Variants in CYP2C19 observed in about 807,000 individuals in gnomAD.
CYP2C19 encodes cytochrome P450 2C19.
A neutral mutation model predicts 40.9 loss-of-function variants in CYP2C19; 59 were observed. That is an observed-to-expected ratio of 1.44 (90% CI 1.17 to 1.79). CYP2C19 has a LOEUF of 1.79. CYP2C19 is among the 40% of genes most tolerant of loss of function. The probability of loss-of-function intolerance (pLI) is 0.00; values close to 1 mark genes in which losing one functional copy is unlikely to be tolerated. For synonymous variants in CYP2C19, 253 were observed against 208.7 expected, an observed-to-expected ratio of 1.21 and a Z score of -1.83; for missense variants, 754 against 596.9, an observed-to-expected ratio of 1.26 and a Z score of -2.74.
chr10:94,821,084 G>C (rs1849113776), intron 6 of CYP2C19, among the ~76,000 whole-genome samples: 1 of 150,610 alleles, frequency 6.6e-6, no homozygotes, highest in Non-Finnish European at 1.5e-5. Flanking sequence ...CCCTGTCTCA[G>C]AAAAGAAAAA....
intron 1 of CYP2C19, among the ~76,000 whole-genome samples, chr10:94,770,528 G>T (rs773417909): frequency 6.6e-6 from 1 of 151,984 alleles, no homozygotes; most frequent in Non-Finnish European, 1.5e-5. Context: ...GAACACTGAG[G>T]TTGCCAGTTT....
chr10:94,822,076 A>G (rs902454085), intron 6 of CYP2C19, among the ~76,000 whole-genome samples: 1 of 152,174 alleles, frequency 6.6e-6, no homozygotes, highest in Non-Finnish European at 1.5e-5. Context: ...ATTGCTTAGG[A>G]TAATGGCCTC....
At chr10:94,762,910 T>G (rs372709413) in intron 1 of CYP2C19, 37 bp downstream of exon 1, 2 of 1,566,640 alleles carry the variant, frequency 1.3e-6, no homozygotes, top group Non-Finnish European at 1.8e-6. Context: ...AAAAGGTAAG[T>G]AAATTCACCT....
intron 6 of CYP2C19, among the ~76,000 whole-genome samples, chr10:94,839,396 C>T (rs1402513136): frequency 6.6e-6 from 1 of 152,114 alleles, no homozygotes; most frequent in Non-Finnish European, 1.5e-5. Flanking sequence ...TTTTTCCTGC[C>T]TTTCTTGACC....
chr10:94,791,350 T>C (rs1280523075), intron 5 of CYP2C19, among the ~76,000 whole-genome samples: 1 of 152,140 alleles, frequency 6.6e-6, no homozygotes, highest in African/African-American at 2.4e-5. Flanking sequence ...TGAAGGGTTT[T>C]CTGTGTCTAT....
chr10:94,793,309 TAGCTTGGAGA>T (rs1848629299), intron 5 of CYP2C19, among the ~76,000 whole-genome samples: 1 of 152,156 alleles, frequency 6.6e-6, no homozygotes, highest in South Asian at 2.1e-4. Context: ...CATCTTCCTT[TAGCTTGGAGA>T]AGTTTGTTAT....
At chr10:94,777,378 A>C (rs866333022) in intron 3 of CYP2C19, among the ~76,000 whole-genome samples, 1 of 152,220 alleles carries the variant, frequency 6.6e-6, no homozygotes, top group African/African-American at 2.4e-5. Context: ...AGCTGGAGGC[A>C]TCATGCTACC....
At position 94,838,771 on chromosome 10, in the gene CYP2C19, T is replaced by C. The variant is rs143652970; in HGVS notation, c.962-4066T>C. Reference sequence around the variant, plus strand: ...TACATAATTGCGAGTTGTCTCTTAATGAAAAGAAAGTTGTACATATGGCAC... The same window carrying C: ...TACATAATTGCGAGTTGTCTCTTAACGAAAAGAAAGTTGTACATATGGCAC... On this transcript the variant is annotated intron_variant, in intron 6 of 8. Coordinates refer to ENST00000371321, the MANE Select transcript of CYP2C19 (RefSeq NM_000769.4). 2.5e-4 allele frequency among the ~76,000 whole-genome samples: 38 copies of C among 152,198 alleles called. No homozygotes were observed. The East Asian group carries it at 6.0e-3, about 24-fold the overall frequency.
intron 1 of CYP2C19, among the ~76,000 whole-genome samples, chr10:94,771,047 C>T (rs574336735): frequency 5.9e-5 from 9 of 152,240 alleles, no homozygotes; most frequent in East Asian, 5.8e-4. Flanking sequence ...CAAGTGAGAT[C>T]GAAGGTTTGC....
chr10:94,813,052 C>T (rs998013104), intron 5 of CYP2C19, among the ~76,000 whole-genome samples: 6 of 151,338 alleles, frequency 4.0e-5, no homozygotes, highest in Non-Finnish European at 7.4e-5. Flanking sequence ...GGGTTTTTTG[C>T]GTGGACATCC....
intron 5 of CYP2C19, among the ~76,000 whole-genome samples, chr10:94,788,739 G>A (rs894912875): frequency 3.3e-5 from 5 of 152,074 alleles, no homozygotes; most frequent in Non-Finnish European, 5.9e-5. Context: ...TTCTCTATCT[G>A]TCTATCATTG....
In CYP2C19 at chr10:94,828,284, A is replaced by T. The variant is rs1057465467; in HGVS notation, c.961+7647A>T. Among the ~76,000 whole-genome samples, 29 of 151,470 alleles carry T rather than the reference A, an allele frequency of 1.9e-4. No homozygotes were observed. In the East Asian group the frequency reaches 4.7e-3, roughly 24 times the overall value. ...GGGGTGTTAAAGTCTCCCATTATTA[A>T]TGTGTGGGAGTCTAAGTCTCTTTGT... On this transcript the variant is annotated intron_variant, in intron 6 of 8. Transcript: ENST00000371321.
At chr10:94,773,221 A>C (rs1848360338) in intron 1 of CYP2C19, among the ~76,000 whole-genome samples, 1 of 152,176 alleles carries the variant, frequency 6.6e-6, no homozygotes, top group African/African-American at 2.4e-5. Context: ...ATTGTCACCA[A>C]AATGTGTCCA....
At chr10:94,780,471 T>C in intron 3 of CYP2C19, 28 bp from the exon 4 acceptor site, 2 of 1,611,256 alleles carry the variant, frequency 1.2e-6, no homozygotes, top group Non-Finnish European at 1.7e-6. Flanking sequence ...TGTTTACTCA[T>C]ATTTTAAAAT....
chr10:94,830,711 A>G (rs979361212), intron 6 of CYP2C19, among the ~76,000 whole-genome samples: 1 of 152,118 alleles, frequency 6.6e-6, no homozygotes. Context: ...TATATTACTT[A>G]TATATACTAA....
At chr10:94,820,269 C>T (rs1478266128) in intron 5 of CYP2C19, among the ~76,000 whole-genome samples, 3 of 151,896 alleles carry the variant, frequency 2.0e-5, no homozygotes, top group Admixed American at 2.0e-4. Flanking sequence ...CTATGACAAA[C>T]CCACAGCCAA....
chr10:94,814,576 G>A (rs902833426), intron 5 of CYP2C19, among the ~76,000 whole-genome samples: 9 of 151,702 alleles, frequency 5.9e-5, no homozygotes, highest in Non-Finnish European at 1.2e-4. Context: ...GCCAATATCA[G>A]CAATAATTTT....
chr10:94,804,931 T>A (rs1848814234), intron 5 of CYP2C19, among the ~76,000 whole-genome samples: 1 of 152,180 alleles, frequency 6.6e-6, no homozygotes, highest in Non-Finnish European at 1.5e-5. Context: ...AGTCTTTTAT[T>A]TTCTTGATTA....
At chr10:94,811,607 G>T (rs141534647) in intron 5 of CYP2C19, among the ~76,000 whole-genome samples, 2 of 151,954 alleles carry the variant, frequency 1.3e-5, no homozygotes, top group African/African-American at 4.8e-5. Flanking sequence ...AGCTCTTCTC[G>T]TTGCATTGAT....
Sources: allele counts gnomAD v4.1 joint callset (sites outside exome capture counted in the v4.1 genomes callset), GRCh38; gene constraint gnomAD v4.1.1; transcripts MANE v1.5; gene names NCBI Gene and HGNC (gene_info 2026-07-23, HGNC 2026-07-21).